LARGE1: variants seen among roughly 807,000 people sequenced by gnomAD.
LARGE1 encodes the protein xylosyl- and glucuronyltransferase LARGE1.
Under a neutral mutation model 87.6 loss-of-function variants are expected in LARGE1, and 43 were observed. The ratio of observed to expected loss-of-function variants is 0.49; its 90% CI spans 0.38 to 0.63. LARGE1 has a LOEUF of 0.63. LARGE1 is among the 30% of genes least tolerant of loss of function. The pLI, the probability that LARGE1 is intolerant of heterozygous loss-of-function variation, is 0.00. For synonymous variants in LARGE1, 434 were observed against 394.6 expected (o/e 1.10, Z -1.18); for missense variants, 802 against 1,000.2 (o/e 0.80, Z 2.67).
At chr22:33,117,903 C>T in the LARGE1 span, among the ~76,000 whole-genome samples, 2,126 of 152,206 alleles carry the variant, frequency 0.014, 53 homozygotes, top group African/African-American at 0.048. Flanking sequence ...GGGCTGTGTC[C>T]TGAGAATGTT....
At position 33,235,607 on chromosome 22, in the gene LARGE1, G is replaced by T. The variant is rs1926213382; in HGVS notation, c.1730+68622C>A. ...GCAAGTGATGGTAGCTGTTATCTAGGAGCTTAACTGAAGCTCCATCTGAAC... is the reference window on the plus strand; with the variant it reads ...GCAAGTGATGGTAGCTGTTATCTAGTAGCTTAACTGAAGCTCCATCTGAAC... On this transcript the variant is annotated intron_variant, in intron 11 of 11. Coordinates refer to the LARGE1 transcript ENST00000608642. Among the ~76,000 whole-genome samples the T allele has an allele frequency of 2.6e-5, 4 of 152,278 alleles. No homozygotes were observed. In the South Asian group the frequency reaches 8.3e-4, roughly 32 times the overall value.
chr22:33,448,867 G>T (rs1447217350), intron 6 of LARGE1, among the ~76,000 whole-genome samples: 6 of 152,096 alleles, frequency 3.9e-5, no homozygotes, highest in African/African-American at 1.4e-4. Flanking sequence ...CTGTTCCAAG[G>T]ACCTGAAGTC....
At chr22:33,495,800 G>A (rs538847974) in intron 6 of LARGE1, among the ~76,000 whole-genome samples, 43 of 152,266 alleles carry the variant, frequency 2.8e-4, no homozygotes, top group Non-Finnish European at 4.6e-4. Context: ...AAGCCATAAA[G>A]GGGTCATGAT....
Position 33,537,853 on chromosome 22 carries a change from G to A in LARGE1, c.787+26995C>T, listed in dbSNP as rs143813968. On this transcript the variant is annotated intron_variant, in intron 6 of 14. Transcript: ENST00000397394. ...CCCAAAGTGCTGGGATTACGGGCGT[G>A]AGCCACCATGCCTGGCCCTATACAG... Among the ~76,000 whole-genome samples, 504 of 152,258 alleles carry A rather than the reference G, an allele frequency of 3.3e-3. 1 individual carries two copies. The highest frequency in any genetic ancestry group is 0.01 in the African/African-American group (423 of 41,544).
intron 2 of LARGE1, among the ~76,000 whole-genome samples, chr22:33,676,586 C>CCAA (rs1276661601): frequency 2.0e-5 from 3 of 148,672 alleles, no homozygotes; most frequent in African/African-American, 7.5e-5. Context: ...AAAAACACCA[C>CCAA]CAACAAAAAA....
At chr22:33,655,237 C>G (rs913441044) in intron 2 of LARGE1, among the ~76,000 whole-genome samples, 1 of 152,058 alleles carries the variant, frequency 6.6e-6, no homozygotes. Flanking sequence ...CAGGTGTCCT[C>G]CCCTGGTGTG....
intron 3 of LARGE1, among the ~76,000 whole-genome samples, chr22:33,636,866 A>G (rs1282704860): frequency 6.6e-6 from 1 of 152,162 alleles, no homozygotes; most frequent in Non-Finnish European, 1.5e-5. Flanking sequence ...ATTAACTGAG[A>G]TGACTCGCGT....
intron 6 of LARGE1, among the ~76,000 whole-genome samples, chr22:33,537,118 AT>A (rs762820916): frequency 3.9e-5 from 6 of 152,172 alleles, no homozygotes; most frequent in African/African-American, 1.2e-4. Flanking sequence ...GTGAAAGGCC[AT>A]TTAAAGAAGT....
At chr22:33,193,248 C>A (rs1923882894) in intron 11 of LARGE1, among the ~76,000 whole-genome samples, 1 of 152,038 alleles carries the variant, frequency 6.6e-6, no homozygotes, top group South Asian at 2.1e-4. Context: ...AAGTACAACC[C>A]ATTTTATTAC....
intron 1 of LARGE1, among the ~76,000 whole-genome samples, chr22:33,809,969 C>T (rs1252011661): frequency 6.6e-6 from 1 of 151,974 alleles, no homozygotes; most frequent in Non-Finnish European, 1.5e-5. Context: ...CTCAGTGGTA[C>T]TAGCCACATT....
chr22:33,709,745 C>T (rs2082672291), intron 2 of LARGE1, among the ~76,000 whole-genome samples: 1 of 151,764 alleles, frequency 6.6e-6, no homozygotes. Context: ...CCTGCCTCAG[C>T]CTCCCGAGTA....
At chr22:33,545,887 A>G (rs1055623316) in intron 6 of LARGE1, among the ~76,000 whole-genome samples, 1 of 152,142 alleles carries the variant, frequency 6.6e-6, no homozygotes, top group Admixed American at 6.5e-5. Context: ...GGTGCCCTGG[A>G]CACCCATTTT....
At chr22:33,521,682 T>G (rs12627800) in intron 6 of LARGE1, among the ~76,000 whole-genome samples, 7,944 of 152,226 alleles carry the variant, frequency 0.052, 239 homozygotes, top group South Asian at 0.08. Flanking sequence ...TGTGGCCATT[T>G]TTTGCAAACA....
chr22:33,514,851 A>G (rs776222054), intron 6 of LARGE1, among the ~76,000 whole-genome samples: 1 of 152,190 alleles, frequency 6.6e-6, no homozygotes, highest in Non-Finnish European at 1.5e-5. Context: ...AGAAGGGGAC[A>G]GCCAAGGCCC....
intron 5 of LARGE1, among the ~76,000 whole-genome samples, chr22:33,587,547 C>T (rs937949938): frequency 1.3e-5 from 2 of 152,036 alleles, no homozygotes; most frequent in Admixed American, 6.6e-5. Context: ...ATTCTTTACC[C>T]ATTTTTCTGC....
At chr22:33,702,353 G>A (rs1398751113) in intron 2 of LARGE1, among the ~76,000 whole-genome samples, 1 of 152,152 alleles carries the variant, frequency 6.6e-6, no homozygotes. Context: ...CCAAAAGCCA[G>A]AATCTAGCCC....
intron 11 of LARGE1, among the ~76,000 whole-genome samples, chr22:33,239,004 AT>A (rs1016864413): frequency 5.9e-5 from 9 of 152,162 alleles, no homozygotes; most frequent in African/African-American, 2.2e-4. Flanking sequence ...TAGAAAAAAA[AT>A]AAGATCAAAT....
At chr22:33,625,234 A>G (rs1414078751) in intron 4 of LARGE1, among the ~76,000 whole-genome samples, 2 of 152,208 alleles carry the variant, frequency 1.3e-5, no homozygotes, top group African/African-American at 4.8e-5. Context: ...GTTAAAGCAG[A>G]GCCAAGGACA....
chr22:33,743,686 C>T (rs2083973196), intron 2 of LARGE1, among the ~76,000 whole-genome samples: 1 of 152,198 alleles, frequency 6.6e-6, no homozygotes, highest in Non-Finnish European at 1.5e-5. Context: ...TCGATCTGAC[C>T]TCCACCACAA....
Sources: gnomAD v4.1 joint callset for allele counts (sites outside exome capture counted in the v4.1 genomes callset) on GRCh38, gnomAD v4.1.1 for gene constraint, MANE v1.5 for transcripts, NCBI Gene and HGNC (gene_info 2026-07-23, HGNC 2026-07-21) for gene names.